SH3PXD2B: variants seen among roughly 807,000 people sequenced by gnomAD.
SH3PXD2B encodes SH3 and PX domains 2B, also known as SH3 and PX domain-containing protein 2B.
In SH3PXD2B, 37 loss-of-function variants were observed where a neutral mutation model predicts 73.1. The observed-to-expected ratio is 0.51, with a 90% CI of 0.39 to 0.67. The LOEUF (loss-of-function observed/expected upper bound fraction) is 0.67. Ranked by LOEUF, SH3PXD2B falls within the 30% of genes least tolerant of loss-of-function variation. SH3PXD2B has a pLI of 0.00. For synonymous variants in SH3PXD2B, 457 were observed against 480.5 expected (o/e 0.95, Z 0.64); for missense variants, 1,053 against 1,197.8 (o/e 0.88, Z 1.78).
rs2113248874 is a variant in SH3PXD2B at position 172,338,172 on chromosome 5, G to C, written c.*197C>G. 1 of 1,469,316 alleles carries C rather than the reference G, an allele frequency of 6.8e-7. No individual in the cohort carries two copies. Among genetic ancestry groups the C allele is most frequent in the East Asian group, 2.5e-5 (1 of 40,318 alleles). 91.0% of individuals were successfully genotyped at this position (1,469,316 alleles called of 1,614,324 possible). A position where few individuals can be genotyped will look rare whatever the true frequency, so the allele number is the denominator to read the frequency against. On this transcript the variant is annotated 3_prime_UTR_variant, in exon 13 of 13. Transcript: ENST00000311601. The surrounding 1 kb of genome is among the most constrained non-coding windows in gnomAD (Gnocchi z 5.1). ...TGGGTTCTGAGCCTCCAGTGATGCTGTGATAGGAGGGATCAGGCCCAGGGG... is the reference window on the plus strand; with the variant it reads ...TGGGTTCTGAGCCTCCAGTGATGCTCTGATAGGAGGGATCAGGCCCAGGGG...
rs553268048 is a variant in SH3PXD2B at position 172,416,013 on chromosome 5, T to C, written c.156+6403A>G. Reference sequence around the variant, plus strand: ...AAGGTAAGCAAGTCAGGAAACCAAGTTGGAAGGTGAATCTTCATAAAGGGG... The same window carrying C: ...AAGGTAAGCAAGTCAGGAAACCAAGCTGGAAGGTGAATCTTCATAAAGGGG... On this transcript the variant is annotated intron_variant, in intron 2 of 12. Transcript: ENST00000311601. 3.3e-5 allele frequency among the ~76,000 whole-genome samples: 5 copies of C among 152,272 alleles called. No homozygotes were observed. The South Asian group carries it at 1.0e-3, about 32-fold the overall frequency.
At chr5:172,382,250 A>AGGTT (rs1283633043) in intron 4 of SH3PXD2B, 123 bp from the exon 5 acceptor site, 1 of 744,958 alleles carries the variant, frequency 1.3e-6, no homozygotes, top group Non-Finnish European at 2.2e-6. Context: ...TGGGAGGCGG[A>AGGTT]GGTTGCAGTG....
At position 172,350,333 on chromosome 5, in the gene SH3PXD2B, T is replaced by C. The variant is rs1205411358; in HGVS notation, c.1012+30A>G. 1.9e-6 allele frequency: 3 copies of C among 1,609,326 alleles called. No individual in the cohort carries two copies. The South Asian group carries it at 3.3e-5, about 18-fold the overall frequency. On this transcript the variant is annotated intron_variant, in intron 10 of 12. Coordinates refer to ENST00000311601, the MANE Select transcript of SH3PXD2B (RefSeq NM_001017995.3). ...CAGAGCTGGCACACAGGGGCCCTGA[T>C]TATCAGGAGCTTGGGCGGGTGTCAC... is the stretch of plus-strand genomic sequence containing the variant.
At chr5:172,432,449 G>A (rs1170837682) in intron 1 of SH3PXD2B, among the ~76,000 whole-genome samples, 1 of 152,188 alleles carries the variant, frequency 6.6e-6, no homozygotes, top group Non-Finnish European at 1.5e-5. Context: ...TGAAATGAGG[G>A]GGGAGTGTCG....
intron 3 of SH3PXD2B, among the ~76,000 whole-genome samples, chr5:172,401,850 C>T (rs764517365): frequency 5.9e-5 from 9 of 152,296 alleles, no homozygotes; most frequent in South Asian, 4.2e-4. Flanking sequence ...TTACTTTAAT[C>T]TCTTAACCCC....
downstream of SH3PXD2B, among the ~76,000 whole-genome samples, chr5:172,329,451 A>T (rs1756512180): frequency 6.6e-6 from 1 of 151,674 alleles, no homozygotes; most frequent in African/African-American, 2.4e-5. Flanking sequence ...ACTATACTGT[A>T]GAAGTATTGG....
chr5:172,352,480 C>T (rs1435124980), intron 9 of SH3PXD2B, among the ~76,000 whole-genome samples: 1 of 152,150 alleles, frequency 6.6e-6, no homozygotes, highest in Non-Finnish European at 1.5e-5. Flanking sequence ...TCCTGCCTTA[C>T]CTCCTCAAGT....
chr5:172,338,678 GGA>G lies in SH3PXD2B; in HGVS notation c.2425_2426del (p.Ser809GlnfsTer8). On this transcript the variant is annotated frameshift_variant, in exon 13 of 13. Transcript: ENST00000311601. LOFTEE classifies it high-confidence loss of function. The surrounding 1 kb of genome is among the most constrained non-coding windows in gnomAD (Gnocchi z 5.1). Reference sequence around the variant, plus strand: ...TGTCATCCTGGCCCCCCAAAGAGTTGGAGAGAAAAGGTTTGGCTTTTGGAGGG... The same window carrying G: ...TGTCATCCTGGCCCCCCAAAGAGTTGGAGAAAAGGTTTGGCTTTTGGAGGG... ...LVPPKAKPFLSNSLGGQDDTR... is the reference protein window; with the variant it reads ...LVPPKAKPFLXNSLGGQDDTR... 1.2e-6 allele frequency: 2 copies of G among 1,614,208 alleles called. No individual in the cohort carries two copies. The highest frequency in any genetic ancestry group is 1.7e-6 in the Non-Finnish European group (2 of 1,180,046).
chr5:172,415,936 C>T (rs1202343918), intron 2 of SH3PXD2B, among the ~76,000 whole-genome samples: 1 of 152,166 alleles, frequency 6.6e-6, no homozygotes, highest in Admixed American at 6.6e-5. Context: ...GTGAATGAGA[C>T]GTGTGGTCAG....
At chr5:172,326,229 T>C (rs1302093340) in intron 12 of SH3PXD2B, among the ~76,000 whole-genome samples, 2 of 152,222 alleles carry the variant, frequency 1.3e-5, no homozygotes, top group Non-Finnish European at 2.9e-5. Context: ...AGATTCCTCA[T>C]ATTTATTCAC....
chr5:172,338,760 T>C lies in SH3PXD2B; in HGVS notation c.2345A>G (p.Gln782Arg), dbSNP rs373458298. The C allele has an allele frequency of 2.8e-5, 45 of 1,614,072 alleles. No homozygotes were observed. The highest frequency in any genetic ancestry group is 3.7e-5 in the Non-Finnish European group (44 of 1,180,044). Residue 782 changes from glutamine to arginine, a missense_variant, in exon 13 of 13, where the codon CAG becomes CGG. Coordinates refer to ENST00000311601, the MANE Select transcript of SH3PXD2B (RefSeq NM_001017995.3). This position sits in a 1 kb window ranked among gnomAD's most constrained non-coding sequence, Gnocchi z 5.1. ...SRPLPEVRGP[Q>R]CEGHESRAAP... is the part of the protein sequence containing the mutation. ...TGCCCTGCTTTCGTGGCCTTCACAC[T>C]GTGGACCTCTGACCTCTGGGAGCGG...
intron 4 of SH3PXD2B, among the ~76,000 whole-genome samples, chr5:172,388,145 C>T (rs188765252): frequency 1.1e-4 from 16 of 152,302 alleles, no homozygotes; most frequent in African/African-American, 3.1e-4. Flanking sequence ...GCTAATACTG[C>T]ACTATGTTAA....
At chr5:172,376,572 G>A (rs1757825890) in intron 5 of SH3PXD2B, among the ~76,000 whole-genome samples, 1 of 152,232 alleles carries the variant, frequency 6.6e-6, no homozygotes, top group Non-Finnish European at 1.5e-5. Flanking sequence ...CCCAAGAGCA[G>A]GGGCTACAGT....
At chr5:172,405,063 A>T (rs926246435) in intron 3 of SH3PXD2B, among the ~76,000 whole-genome samples, 11 of 152,264 alleles carry the variant, frequency 7.2e-5, no homozygotes, top group Admixed American at 7.2e-4. Context: ...AGCTATTATT[A>T]TACTTGAAGC....
intron 3 of SH3PXD2B, among the ~76,000 whole-genome samples, chr5:172,404,720 G>C (rs1199906449): frequency 6.6e-6 from 1 of 152,118 alleles, no homozygotes; most frequent in East Asian, 1.9e-4. Context: ...GACCTGCCAG[G>C]CATTTACAGA....
chr5:172,436,985 CCAT>C (rs1369451266), intron 1 of SH3PXD2B, among the ~76,000 whole-genome samples: 1 of 152,174 alleles, frequency 6.6e-6, no homozygotes, highest in East Asian at 1.9e-4. Flanking sequence ...TGGATTCCCT[CCAT>C]CAAGCTCCCA....
At chr5:172,329,737 C>T (rs1756521816), downstream of SH3PXD2B, among the ~76,000 whole-genome samples, 2 of 151,948 alleles carry the variant, frequency 1.3e-5, no homozygotes, top group Admixed American at 6.6e-5. Context: ...CAGGGTTTCA[C>T]TGTGTTAGCC....
rs559092325 is a variant in SH3PXD2B at position 172,356,234 on chromosome 5, G to C, written c.668-2229C>G. ...ACTTGAAACTGCTGTCATCATGAGA[G>C]AATGGTGCCAACAAGCAGAGAGGTG... On this transcript the variant is annotated intron_variant, in intron 8 of 12. Transcript: ENST00000311601. Among the ~76,000 whole-genome samples, 6 of 152,302 alleles carry C rather than the reference G, an allele frequency of 3.9e-5. No homozygotes were observed. In the South Asian group the frequency reaches 1.2e-3, roughly 32 times the overall value.
chr5:172,332,873 C>T (rs527537998), downstream of SH3PXD2B, among the ~76,000 whole-genome samples: 50 of 151,576 alleles, frequency 3.3e-4, 1 homozygote, highest in East Asian at 9.3e-3. Flanking sequence ...GAGCAGATGG[C>T]TTGGGCAGTC....
Sources: allele counts gnomAD v4.1 joint callset (sites outside exome capture counted in the v4.1 genomes callset), GRCh38; gene constraint gnomAD v4.1.1; non-coding constraint Gnocchi (gnomAD v3.1); transcripts MANE v1.5; gene names NCBI Gene and HGNC (gene_info 2026-07-23, HGNC 2026-07-21).